TNFRSF10B: variants seen among roughly 807,000 people sequenced by gnomAD.
TNFRSF10B encodes TNF receptor superfamily member 10b, also known as tumor necrosis factor receptor superfamily member 10B.
TNFRSF10B carries 35 observed loss-of-function variants against 41.4 expected under a neutral mutation model. That is an observed-to-expected ratio of 0.85 (90% CI 0.65 to 1.12). TNFRSF10B has a LOEUF of 1.12. Among genes scored for constraint, TNFRSF10B ranks in the 50% most tolerant of loss-of-function variants. The probability of loss-of-function intolerance (pLI) is 0.00; values close to 1 mark genes in which losing one functional copy is unlikely to be tolerated. For missense variants in TNFRSF10B, 584 were observed against 552.7 expected, an observed-to-expected ratio of 1.06 and a Z score of -0.57; for synonymous variants, 230 against 215.5, an observed-to-expected ratio of 1.07 and a Z score of -0.59.
In TNFRSF10B at chr8:23,068,979, G is replaced by C; in HGVS notation, c.-85C>G. The C allele has an allele frequency of 6.2e-7, 1 of 1,607,230 alleles. No homozygotes were observed. The highest frequency in any genetic ancestry group is 8.5e-7 in the Non-Finnish European group (1 of 1,176,684). On this transcript the variant is annotated 5_prime_UTR_variant, in exon 1 of 9. Coordinates refer to ENST00000276431, the MANE Select transcript of TNFRSF10B (RefSeq NM_003842.5). ...TCGGGCATCGTCGGTGTATTTTGTGGGCGCAGAGATTGCGGGGTTCTCCGG... is the reference window on the plus strand; with the variant it reads ...TCGGGCATCGTCGGTGTATTTTGTGCGCGCAGAGATTGCGGGGTTCTCCGG...
chr8:23,020,754 T>TTTC lies in TNFRSF10B; in HGVS notation c.*1916_*1917insGAA, dbSNP rs1432227737. On this transcript the variant is annotated 3_prime_UTR_variant, in exon 9 of 9. Transcript: ENST00000276431. ...ATAAGGCTGACACTCTAGATGCATCTTCTAGGAAGGCCTCTGTGGAAGGGA... is the reference window on the plus strand; with the variant it reads ...ATAAGGCTGACACTCTAGATGCATCTTTCTCTAGGAAGGCCTCTGTGGAAGGGA... 2.2e-6 allele frequency: 1 copy of TTTC among 453,994 alleles called. No individual in the cohort carries two copies. Among genetic ancestry groups the TTTC allele is most frequent in the Non-Finnish European group, 4.4e-6 (1 of 226,740 alleles). 28.1% of individuals were successfully genotyped at this position (453,994 alleles called of 1,614,324 possible).
intron 1 of TNFRSF10B, among the ~76,000 whole-genome samples, 156 bp downstream of exon 1, chr8:23,068,595 C>A (rs1813070803): frequency 6.6e-6 from 1 of 152,188 alleles, no homozygotes; most frequent in Non-Finnish European, 1.5e-5. Flanking sequence ...GGGGACCCAT[C>A]TCTTCCCCCG....
chr8:23,043,352 T>C (rs1812263839), intron 1 of TNFRSF10B, 109 bp from the exon 2 acceptor site: 1 of 799,754 alleles, frequency 1.3e-6, no homozygotes, highest in Admixed American at 2.1e-5. Context: ...AGAACCCTCA[T>C]CTTTCTTGCA....
At chr8:23,061,978 G>A (rs1812842682) in intron 1 of TNFRSF10B, among the ~76,000 whole-genome samples, 1 of 152,128 alleles carries the variant, frequency 6.6e-6, no homozygotes, top group Non-Finnish European at 1.5e-5. Flanking sequence ...TAGGGATACT[G>A]GGATATAGCT....
intron 1 of TNFRSF10B, among the ~76,000 whole-genome samples, chr8:23,061,875 G>A (rs561286927): frequency 9.9e-5 from 15 of 152,242 alleles, no homozygotes; most frequent in African/African-American, 3.1e-4. Flanking sequence ...CTTGCATTCC[G>A]GAAATAAATC....
intron 1 of TNFRSF10B, among the ~76,000 whole-genome samples, chr8:23,058,805 C>T (rs1330520418): frequency 6.6e-6 from 1 of 152,078 alleles, no homozygotes; most frequent in East Asian, 1.9e-4. Flanking sequence ...CTTTTTAAAT[C>T]AACAATATTT....
chr8:23,056,390 G>C (rs892628526), intron 1 of TNFRSF10B, among the ~76,000 whole-genome samples: 1 of 152,106 alleles, frequency 6.6e-6, no homozygotes, highest in Non-Finnish European at 1.5e-5. Context: ...TGTGGCTCAC[G>C]CCTGTAATCC....
chr8:23,068,231 G>A, intron 1 of TNFRSF10B: 1 of 162,162 alleles, frequency 6.2e-6, no homozygotes, highest in South Asian at 1.5e-4. Flanking sequence ...CCCGCGCACG[G>A]AACGGAACCA....
chr8:23,029,381 C>T (rs757586140), intron 4 of TNFRSF10B, among the ~76,000 whole-genome samples: 1 of 152,160 alleles, frequency 6.6e-6, no homozygotes, highest in Non-Finnish European at 1.5e-5. Flanking sequence ...TCATGGCCTT[C>T]TGTGGTCAGT....
At chr8:23,052,843 A>G (rs939945064) in intron 1 of TNFRSF10B, among the ~76,000 whole-genome samples, 3 of 152,222 alleles carry the variant, frequency 2.0e-5, no homozygotes, top group Admixed American at 6.5e-5. Flanking sequence ...TTGGACTGTT[A>G]AATTCTAGAT....
chr8:23,055,601 C>G (rs536500765), intron 1 of TNFRSF10B, among the ~76,000 whole-genome samples: 1 of 150,228 alleles, frequency 6.7e-6, no homozygotes, highest in African/African-American at 2.4e-5. Context: ...TTGCTTAGGC[C>G]TTTCCTGGGC....
At chr8:23,046,976 A>C (rs1812383157) in intron 1 of TNFRSF10B, among the ~76,000 whole-genome samples, 1 of 152,238 alleles carries the variant, frequency 6.6e-6, no homozygotes, top group African/African-American at 2.4e-5. Flanking sequence ...AAAGACTTAA[A>C]TATATGACCT....
chr8:23,052,107 T>C (rs373751631), intron 1 of TNFRSF10B, among the ~76,000 whole-genome samples: 3 of 152,070 alleles, frequency 2.0e-5, no homozygotes, highest in African/African-American at 7.2e-5. Context: ...TCTGGGTAAA[T>C]GATTAAAATA....
intron 1 of TNFRSF10B, among the ~76,000 whole-genome samples, chr8:23,059,238 C>T (rs536721355): frequency 6.6e-6 from 1 of 152,350 alleles, no homozygotes; most frequent in East Asian, 1.9e-4. Context: ...ATCTATTGAT[C>T]TGTCCAACTT....
chr8:23,022,262 C>A lies in TNFRSF10B; in HGVS notation c.*409G>T. The A allele has an allele frequency of 2.2e-6, 1 of 454,132 alleles. No homozygotes were observed. The highest frequency in any genetic ancestry group is 4.4e-6 in the Non-Finnish European group (1 of 226,982). 28.1% of individuals were successfully genotyped at this position (454,132 alleles called of 1,614,324 possible). A position where few individuals can be genotyped will look rare whatever the true frequency, so the allele number is the denominator to read the frequency against. ...GAGACAGAGTGAACTGCCCCGCACC[C>A]CCCACCCAAAAAAGGTTCATATCAT... On this transcript the variant is annotated 3_prime_UTR_variant, in exon 9 of 9. Coordinates refer to ENST00000276431, the MANE Select transcript of TNFRSF10B (RefSeq NM_003842.5).
chr8:23,062,827 A>G (rs1021101179), intron 1 of TNFRSF10B, among the ~76,000 whole-genome samples: 1 of 152,222 alleles, frequency 6.6e-6, no homozygotes, highest in African/African-American at 2.4e-5. Context: ...TGGCAGAATT[A>G]ATATGGTAAT....
At chr8:23,047,872 T>G (rs1812409266) in intron 1 of TNFRSF10B, among the ~76,000 whole-genome samples, 1 of 152,236 alleles carries the variant, frequency 6.6e-6, no homozygotes, top group Non-Finnish European at 1.5e-5. Context: ...CAAAAAGATT[T>G]GAAATCAGTA....
intron 3 of TNFRSF10B, 126 bp downstream of exon 3, chr8:23,030,633 A>G (rs1356729836): frequency 5.5e-6 from 4 of 728,258 alleles, no homozygotes; most frequent in Non-Finnish European, 9.7e-6. Context: ...AGACAAAATC[A>G]TGGAACATGG....
At chr8:23,028,236 C>T in intron 5 of TNFRSF10B, 95 bp downstream of exon 5, 1 of 1,574,614 alleles carries the variant, frequency 6.4e-7, no homozygotes, top group Non-Finnish European at 8.7e-7. Context: ...GGCACTTAGA[C>T]TTGGGGCAGG....
Sources: gnomAD v4.1 joint callset for allele counts (sites outside exome capture counted in the v4.1 genomes callset) on GRCh38, gnomAD v4.1.1 for gene constraint, MANE v1.5 for transcripts, NCBI Gene and HGNC (gene_info 2026-07-23, HGNC 2026-07-21) for gene names.